Variants in STPG2 observed in about 807,000 individuals in gnomAD.
STPG2 encodes the protein sperm-tail PG-rich repeat-containing protein 2.
Under a neutral mutation model 54.2 loss-of-function variants are expected in STPG2, and 56 were observed. The ratio of observed to expected loss-of-function variants is 1.03; its 90% CI spans 0.83 to 1.29. STPG2 has a LOEUF of 1.29. STPG2 is among the 50% of genes most tolerant of loss of function. The pLI, the probability that STPG2 is intolerant of heterozygous loss-of-function variation, is 0.00. For missense variants in STPG2, 596 were observed against 544.9 expected (o/e 1.09, Z -0.93); for synonymous variants, 200 against 181.8 (o/e 1.10, Z -0.81).
chr4:97,783,330 A>C (rs922571710), intron 9 of STPG2, among the ~76,000 whole-genome samples: 2 of 152,234 alleles, frequency 1.3e-5, no homozygotes, highest in Admixed American at 1.3e-4. Flanking sequence ...AAAAATGTTC[A>C]TCATCACTGG....
chr4:97,659,226 A>G (rs969123687), intron 10 of STPG2, among the ~76,000 whole-genome samples: 3 of 152,206 alleles, frequency 2.0e-5, no homozygotes, highest in Non-Finnish European at 4.4e-5. Context: ...TAGAGACTGT[A>G]CCTCAGAAAT....
intron 9 of STPG2, among the ~76,000 whole-genome samples, chr4:97,828,048 A>C (rs1470034920): frequency 6.6e-6 from 1 of 152,202 alleles, no homozygotes; most frequent in African/African-American, 2.4e-5. Context: ...AGTTCCATCA[A>C]AGCCAATTTA....
At chr4:97,966,323 G>GA (rs1366397943) in intron 7 of STPG2, among the ~76,000 whole-genome samples, 1 of 132,482 alleles carries the variant, frequency 7.5e-6, no homozygotes, top group East Asian at 2.2e-4. Flanking sequence ...CAAGTTTAGA[G>GA]AAAAAAGAGT....
chr4:97,737,196 C>T (rs1725033972), intron 9 of STPG2, among the ~76,000 whole-genome samples: 1 of 152,126 alleles, frequency 6.6e-6, no homozygotes, highest in Non-Finnish European at 1.5e-5. Flanking sequence ...ACATCCACAC[C>T]AAAACCCCAT....
At chr4:98,072,051 T>C (rs1738020589) in intron 5 of STPG2, among the ~76,000 whole-genome samples, 3 of 152,152 alleles carry the variant, frequency 2.0e-5, no homozygotes. Flanking sequence ...AGCAATCCCA[T>C]TACTGGGTAC....
intron 8 of STPG2, among the ~76,000 whole-genome samples, chr4:97,931,757 G>C (rs1405291249): frequency 6.6e-6 from 1 of 151,878 alleles, no homozygotes; most frequent in African/African-American, 2.4e-5. Flanking sequence ...TGGTCTCATA[G>C]ACTGAGTTAG....
intron 4 of STPG2, among the ~76,000 whole-genome samples, chr4:97,534,157 AATATATTGAGCATC>A (rs1318386461): frequency 1.3e-5 from 2 of 152,116 alleles, no homozygotes; most frequent in East Asian, 3.8e-4. Context: ...TCTGCAATTA[AATATATTGAGCATC>A]ATTTCATATT....
At chr4:97,775,963 C>T (rs1169535676) in intron 9 of STPG2, among the ~76,000 whole-genome samples, 1 of 151,980 alleles carries the variant, frequency 6.6e-6, no homozygotes, top group African/African-American at 2.4e-5. Context: ...GGTTTCACCA[C>T]ATTGACAAGA....
chr4:97,905,456 G>T (rs1731369832), intron 8 of STPG2, among the ~76,000 whole-genome samples: 1 of 151,970 alleles, frequency 6.6e-6, no homozygotes, highest in East Asian at 1.9e-4. Context: ...CCTGAAGGAA[G>T]TGCCAAACAT....
At chr4:97,920,252 T>C (rs1190329563) in intron 8 of STPG2, among the ~76,000 whole-genome samples, 1 of 152,180 alleles carries the variant, frequency 6.6e-6, no homozygotes, top group Non-Finnish European at 1.5e-5. Flanking sequence ...GAAGTTCAAA[T>C]AGCTCTTCTC....
At chr4:97,972,466 T>G in intron 6 of STPG2, 26 bp from the exon 7 acceptor site, 2 of 1,357,374 alleles carry the variant, frequency 1.5e-6, no homozygotes, top group Non-Finnish European at 2.0e-6. Flanking sequence ...GTATCATATA[T>G]AAGAATAAGC....
intron 9 of STPG2, among the ~76,000 whole-genome samples, 199 bp from the exon 10 acceptor site, chr4:97,713,013 C>T (rs530419276): frequency 1.3e-5 from 2 of 151,980 alleles, no homozygotes; most frequent in African/African-American, 4.8e-5. Context: ...ATCTGTTTAC[C>T]TAATAATTAA....
At chr4:97,524,685 T>C (rs974732307) in intron 4 of STPG2, among the ~76,000 whole-genome samples, 1 of 152,020 alleles carries the variant, frequency 6.6e-6, no homozygotes, top group Non-Finnish European at 1.5e-5. Context: ...TCCTCTTTTT[T>C]GGAGAATAAT....
intron 5 of STPG2, among the ~76,000 whole-genome samples, chr4:97,985,293 C>A (rs948161789): frequency 2.0e-5 from 3 of 152,068 alleles, no homozygotes; most frequent in African/African-American, 7.2e-5. Context: ...CTATTCTGAA[C>A]CAACTGAATC....
chr4:98,089,989 C>A (rs960208175), intron 5 of STPG2, among the ~76,000 whole-genome samples: 1 of 151,936 alleles, frequency 6.6e-6, no homozygotes. Flanking sequence ...TTTTCTCCCA[C>A]CCTGTGGGTT....
At chr4:97,689,570 CTAGAA>C (rs1723300989) in intron 10 of STPG2, among the ~76,000 whole-genome samples, 1 of 151,872 alleles carries the variant, frequency 6.6e-6, no homozygotes, top group Admixed American at 6.6e-5. Flanking sequence ...GGTGCATTTG[CTAGAA>C]AAGTTTTTTC....
In STPG2 at chr4:98,106,001, T is replaced by C. The variant is rs761718900; in HGVS notation, c.564A>G (p.Ser188=). The change falls in exon 5 of 11, where the codon TCA becomes TCG. Residue 188 remains serine (S), a synonymous_variant. Transcript: ENST00000295268. The part of the protein sequence containing the change: ...IKRDQQQNYC[S]FIPRLYEIIV... ...TTATTTCATATAGTCGTGGGATAAA[T>C]GAACAATAATTTTGTTGTTGATCTC... The C allele has an allele frequency of 7.5e-5, 117 of 1,556,744 alleles. No homozygotes were observed. The highest frequency in any genetic ancestry group is 9.9e-5 in the Non-Finnish European group (113 of 1,135,842).
chr4:97,991,176 AC>A (rs1734992401), intron 5 of STPG2, among the ~76,000 whole-genome samples: 2 of 151,796 alleles, frequency 1.3e-5, no homozygotes, highest in African/African-American at 4.8e-5. Context: ...TTCCTGGGTT[AC>A]TTCACTTAGA....
intron 10 of STPG2, among the ~76,000 whole-genome samples, chr4:97,603,029 G>A (rs940286810): frequency 1.3e-5 from 2 of 151,564 alleles, no homozygotes; most frequent in African/African-American, 4.8e-5. Context: ...AGAAAAGATG[G>A]CCTATGAAAT....
Sources: allele counts gnomAD v4.1 joint callset (sites outside exome capture counted in the v4.1 genomes callset), GRCh38; gene constraint gnomAD v4.1.1; transcripts MANE v1.5; gene names NCBI Gene and HGNC (gene_info 2026-07-23, HGNC 2026-07-21).